SNAP25: variants seen among roughly 807,000 people sequenced by gnomAD.
SNAP25 encodes the protein synaptosomal-associated protein 25.
Under a neutral mutation model 28.7 loss-of-function variants are expected in SNAP25, and 3 were observed. The observed-to-expected ratio is 0.10, with a 90% CI of 0.05 to 0.27. The LOEUF is 0.27. Ranked by LOEUF, SNAP25 falls within the 10% of genes least tolerant of loss-of-function variation. The probability of loss-of-function intolerance (pLI) is 1.00; values close to 1 mark genes in which losing one functional copy is unlikely to be tolerated. For missense variants in SNAP25, 117 were observed against 278.7 expected, an observed-to-expected ratio of 0.42 and a Z score of 4.13; for synonymous variants, 61 against 88.1, an observed-to-expected ratio of 0.69 and a Z score of 1.72.
At chr20:10,277,644 GC>G in intron 2 of SNAP25, 40 bp from the exon 3 acceptor site, 1 of 1,560,942 alleles carries the variant, frequency 6.4e-7, no homozygotes, top group Non-Finnish European at 8.8e-7. Flanking sequence ...TCTGGATCCT[GC>G]ACTCATAAAG....
At chr20:10,300,591 T>C (rs1297846474) in intron 7 of SNAP25, among the ~76,000 whole-genome samples, 4 of 151,760 alleles carry the variant, frequency 2.6e-5, no homozygotes, top group Non-Finnish European at 4.4e-5. Flanking sequence ...ATCTAAATAG[T>C]AGTTTCTTGG....
At chr20:10,258,879 C>T (rs2063364561) in intron 1 of SNAP25, among the ~76,000 whole-genome samples, 1 of 152,164 alleles carries the variant, frequency 6.6e-6, no homozygotes, top group Admixed American at 6.5e-5. Flanking sequence ...TTTGTTACCC[C>T]TCTCTGTGTC....
At chr20:10,286,590 G>T (rs995667594) in intron 4 of SNAP25, among the ~76,000 whole-genome samples, 1 of 152,292 alleles carries the variant, frequency 6.6e-6, no homozygotes, top group African/African-American at 2.4e-5. Context: ...CCCAGGAAGA[G>T]CCTGGCCTCA....
intron 1 of SNAP25, among the ~76,000 whole-genome samples, chr20:10,247,428 G>A (rs1243018411): frequency 1.3e-5 from 2 of 152,122 alleles, no homozygotes; most frequent in Non-Finnish European, 2.9e-5. Context: ...TTCCCTTTTA[G>A]ACCAACACAG....
intron 1 of SNAP25, among the ~76,000 whole-genome samples, chr20:10,253,354 G>C (rs528220410): frequency 6.6e-6 from 1 of 152,260 alleles, no homozygotes; most frequent in South Asian, 2.1e-4. Context: ...CCACGGTATT[G>C]TATCTCAGTG....
At chr20:10,241,607 G>A (rs1400735423) in intron 1 of SNAP25, among the ~76,000 whole-genome samples, 1 of 152,040 alleles carries the variant, frequency 6.6e-6, no homozygotes, top group Admixed American at 6.6e-5. Context: ...GACGGGTCAG[G>A]GAAGGTCTCT....
intron 1 of SNAP25, among the ~76,000 whole-genome samples, chr20:10,235,241 A>G (rs777515053): frequency 6.6e-6 from 1 of 152,244 alleles, no homozygotes; most frequent in Non-Finnish European, 1.5e-5. Context: ...TCTAAAACAT[A>G]AAAATTAAAA....
intron 7 of SNAP25, among the ~76,000 whole-genome samples, chr20:10,304,605 A>T (rs1843232258): frequency 1.3e-5 from 2 of 152,246 alleles, no homozygotes; most frequent in Admixed American, 1.3e-4. Context: ...TCATTTGTTT[A>T]CAAGATGAAT....
At chr20:10,225,135 C>A (rs1490020445) in intron 1 of SNAP25, among the ~76,000 whole-genome samples, 1 of 151,762 alleles carries the variant, frequency 6.6e-6, no homozygotes, top group Non-Finnish European at 1.5e-5. Context: ...GAGAAGGAAG[C>A]TTTAAAGCCT....
rs541631114 is a variant in SNAP25 at position 10,278,949 on chromosome 20, G to A, written c.114+1223G>A. On this transcript the variant is annotated intron_variant, in intron 3 of 7. Coordinates refer to ENST00000254976, the MANE Select transcript of SNAP25 (RefSeq NM_130811.4). ...GGGGCGGGGGGTGGGAGGGTGGGGC[G>A]AACGTAACAAAATCTGTTATCCCCC... Among the ~76,000 whole-genome samples the A allele has an allele frequency of 1.9e-4, 28 of 150,890 alleles. No individual in the cohort carries two copies. The South Asian group carries it at 5.7e-3, about 31-fold the overall frequency.
intron 1 of SNAP25, among the ~76,000 whole-genome samples, chr20:10,267,240 A>G (rs1360117223): frequency 6.6e-6 from 1 of 152,202 alleles, no homozygotes; most frequent in Non-Finnish European, 1.5e-5. Context: ...CAGCCACAGT[A>G]ACACATAGAG....
rs2064381399 is a variant in SNAP25, at chr20:10,307,149, C to T, written c.*952C>T. The T allele has an allele frequency of 6.6e-6, 1 of 152,462 alleles. No homozygotes were observed. Among genetic ancestry groups the T allele is most frequent in the Admixed American group, 6.6e-5 (1 of 15,260 alleles). 9.4% of individuals were successfully genotyped at this position (152,462 alleles called of 1,614,324 possible). On this transcript the variant is annotated 3_prime_UTR_variant, in exon 8 of 8. Coordinates refer to ENST00000254976, the MANE Select transcript of SNAP25 (RefSeq NM_130811.4). ...CAGTGTGGATGTAAATTTTATAAGGCTGACTCTTACTAACCACCATTTCCC... is the reference window on the plus strand; with the variant it reads ...CAGTGTGGATGTAAATTTTATAAGGTTGACTCTTACTAACCACCATTTCCC...
chr20:10,249,336 T>C (rs938858158), intron 1 of SNAP25, among the ~76,000 whole-genome samples: 1 of 152,176 alleles, frequency 6.6e-6, no homozygotes, highest in African/African-American at 2.4e-5. Flanking sequence ...TTCCACATGC[T>C]GATACTGAAG....
At chr20:10,254,778 G>C (rs363052) in intron 1 of SNAP25, among the ~76,000 whole-genome samples, 96 of 152,138 alleles carry the variant, frequency 6.3e-4, no homozygotes, top group African/African-American at 2.1e-3. Flanking sequence ...AGGGCAAAGT[G>C]CTGGAGACGC....
intron 1 of SNAP25, among the ~76,000 whole-genome samples, chr20:10,242,729 C>G (rs2063057135): frequency 6.6e-6 from 1 of 152,178 alleles, no homozygotes; most frequent in Non-Finnish European, 1.5e-5. Context: ...AGTCAGCTCC[C>G]AGTATGCACT....
Position 10,264,443 on chromosome 20 carries a change from G to A in SNAP25, c.-63-10986G>A, listed in dbSNP as rs35115116. 9.1e-3 allele frequency among the ~76,000 whole-genome samples: 1,391 copies of A among 152,286 alleles called. 11 individuals carry two copies. The highest frequency in any genetic ancestry group is 0.012 in the Non-Finnish European group (850 of 68,006). On this transcript the variant is annotated intron_variant, in intron 1 of 7. Coordinates refer to ENST00000254976, the MANE Select transcript of SNAP25 (RefSeq NM_130811.4). Reference sequence around the variant, plus strand: ...TCTCAGAGACACTGTGGGAGAGGGTGACAATTCTGTGGGCTGGTTAAAGTA... The same window carrying A: ...TCTCAGAGACACTGTGGGAGAGGGTAACAATTCTGTGGGCTGGTTAAAGTA...
At chr20:10,296,865 AT>A (rs2123142399) in intron 5 of SNAP25, 59 bp from the exon 6 acceptor site, 2 of 1,607,756 alleles carry the variant, frequency 1.2e-6, no homozygotes, top group South Asian at 2.2e-5. Context: ...AGAAGTGACA[AT>A]TGTTGAGAGC....
chr20:10,239,958 A>T (rs2062995233), intron 1 of SNAP25, among the ~76,000 whole-genome samples: 2 of 152,202 alleles, frequency 1.3e-5, no homozygotes, highest in South Asian at 4.1e-4. Context: ...CTGCAACCCC[A>T]GTGACTTAAA....
At chr20:10,253,943 C>T (rs1258644756) in intron 1 of SNAP25, among the ~76,000 whole-genome samples, 1 of 152,188 alleles carries the variant, frequency 6.6e-6, no homozygotes, top group Non-Finnish European at 1.5e-5. Context: ...GTTCCCTACG[C>T]AGGATGTGCC....
Sources: allele counts gnomAD v4.1 joint callset (sites outside exome capture counted in the v4.1 genomes callset), GRCh38; gene constraint gnomAD v4.1.1; transcripts MANE v1.5; gene names NCBI Gene and HGNC (gene_info 2026-07-23, HGNC 2026-07-21).